The following DOK6 variants were observed in gnomAD, a reference collection of about 807,000 sequenced individuals.
The protein encoded by DOK6 is docking protein 6.
DOK6 carries 22 observed loss-of-function variants against 44.0 expected under a neutral mutation model. The ratio of observed to expected loss-of-function variants is 0.50; its 90% CI spans 0.36 to 0.71. The LOEUF is 0.71. DOK6 is among the 30% of genes least tolerant of loss of function. The pLI, the probability that DOK6 is intolerant of heterozygous loss-of-function variation, is 0.00. For synonymous variants in DOK6, 166 were observed against 145.5 expected, an observed-to-expected ratio of 1.14 and a Z score of -1.01; for missense variants, 340 against 416.4, an observed-to-expected ratio of 0.82 and a Z score of 1.60.
intron 5 of DOK6, among the ~76,000 whole-genome samples, chr18:69,707,292 A>C (rs1334806548): frequency 6.6e-6 from 1 of 152,248 alleles, no homozygotes; most frequent in African/African-American, 2.4e-5. Context: ...TGCCATCCCC[A>C]TCAAGCTACC....
chr18:69,776,628 C>T (rs1980075141), intron 7 of DOK6, among the ~76,000 whole-genome samples: 1 of 151,962 alleles, frequency 6.6e-6, no homozygotes, highest in Non-Finnish European at 1.5e-5. Flanking sequence ...ATAAAATCAA[C>T]TAATCTCAGA....
intron 2 of DOK6, among the ~76,000 whole-genome samples, chr18:69,574,434 A>G (rs1475969417): frequency 6.6e-6 from 1 of 152,088 alleles, no homozygotes; most frequent in Non-Finnish European, 1.5e-5. Flanking sequence ...TTAAAAGTAC[A>G]CAGGAACAGT....
intron 1 of DOK6, among the ~76,000 whole-genome samples, chr18:69,441,113 G>T (rs557221611): frequency 7.9e-5 from 12 of 151,992 alleles, no homozygotes; most frequent in African/African-American, 2.7e-4. Flanking sequence ...GTATGGTTTT[G>T]TATTCAGATT....
chr18:69,556,941 A>T (rs1003799481), intron 1 of DOK6, among the ~76,000 whole-genome samples: 2 of 152,364 alleles, frequency 1.3e-5, no homozygotes, highest in African/African-American at 4.8e-5. Context: ...AACACTTAAG[A>T]CCAAGTAACT....
At chr18:69,455,822 C>CTTGTCATT (rs1979619107) in intron 1 of DOK6, among the ~76,000 whole-genome samples, 1 of 152,012 alleles carries the variant, frequency 6.6e-6, no homozygotes, top group South Asian at 2.1e-4. Context: ...ATTCAAAAAG[C>CTTGTCATT]TAAATGATGG....
chr18:69,610,247 C>A (rs1340970449), intron 3 of DOK6, among the ~76,000 whole-genome samples: 2 of 152,088 alleles, frequency 1.3e-5, no homozygotes, highest in African/African-American at 2.4e-5. Context: ...AAAGTATATT[C>A]TCATAATGGC....
At chr18:69,481,090 C>T (rs1177631507) in intron 1 of DOK6, among the ~76,000 whole-genome samples, 1 of 152,110 alleles carries the variant, frequency 6.6e-6, no homozygotes, top group Non-Finnish European at 1.5e-5. Context: ...CCAGCACACA[C>T]CTTCTGCCGT....
intron 7 of DOK6, among the ~76,000 whole-genome samples, chr18:69,835,713 T>C (rs1487572283): frequency 6.6e-6 from 1 of 152,222 alleles, no homozygotes; most frequent in Non-Finnish European, 1.5e-5. Flanking sequence ...GTTAATGCTT[T>C]GACTCTGGGC....
At chr18:69,808,717 C>A (rs1981128437) in intron 7 of DOK6, among the ~76,000 whole-genome samples, 1 of 151,748 alleles carries the variant, frequency 6.6e-6, no homozygotes, top group Non-Finnish European at 1.5e-5. Context: ...TAAACATATA[C>A]AATCTATCCA....
At chr18:69,693,701 T>A (rs1246461913) in intron 4 of DOK6, among the ~76,000 whole-genome samples, 1 of 152,098 alleles carries the variant, frequency 6.6e-6, no homozygotes, top group African/African-American at 2.4e-5. Flanking sequence ...AACTGCGAGA[T>A]CCACTTACCT....
At chr18:69,520,617 T>G (rs915895731) in intron 1 of DOK6, among the ~76,000 whole-genome samples, 4 of 151,888 alleles carry the variant, frequency 2.6e-5, no homozygotes, top group Admixed American at 1.3e-4. Context: ...ATGCAAAAAA[T>G]TATTCAAATT....
intron 5 of DOK6, among the ~76,000 whole-genome samples, chr18:69,713,353 C>T (rs577854195): frequency 6.6e-6 from 1 of 152,144 alleles, no homozygotes; most frequent in African/African-American, 2.4e-5. Context: ...ATCATTATAC[C>T]AAAATAGCAT....
At chr18:69,637,354 T>C (rs1409820666) in intron 3 of DOK6, among the ~76,000 whole-genome samples, 1 of 152,252 alleles carries the variant, frequency 6.6e-6, no homozygotes, top group African/African-American at 2.4e-5. Context: ...CACATTTACA[T>C]ATTAAAAGGC....
intron 1 of DOK6, among the ~76,000 whole-genome samples, chr18:69,473,703 G>A (rs921692740): frequency 9.2e-5 from 14 of 152,292 alleles, no homozygotes; most frequent in Admixed American, 8.5e-4. Context: ...TTACAATGTT[G>A]CTGAGGGAAA....
chr18:69,619,350 A>G (rs1984386740), intron 3 of DOK6, among the ~76,000 whole-genome samples: 1 of 152,214 alleles, frequency 6.6e-6, no homozygotes, highest in Non-Finnish European at 1.5e-5. Flanking sequence ...GCCATTTCCA[A>G]GATAGGCTCT....
intron 7 of DOK6, among the ~76,000 whole-genome samples, chr18:69,780,051 C>T (rs1980214067): frequency 1.3e-5 from 2 of 151,850 alleles, no homozygotes; most frequent in South Asian, 4.2e-4. Flanking sequence ...AAATATGGTC[C>T]TACCTTCACA....
At chr18:69,457,297 C>T (rs770761113) in intron 1 of DOK6, among the ~76,000 whole-genome samples, 5 of 152,174 alleles carry the variant, frequency 3.3e-5, no homozygotes, top group Non-Finnish European at 7.4e-5. Flanking sequence ...ATATTTAAAT[C>T]TCTAACTTAT....
chr18:69,711,542 T>C (rs1023965068), intron 5 of DOK6, among the ~76,000 whole-genome samples: 1 of 152,220 alleles, frequency 6.6e-6, no homozygotes, highest in African/African-American at 2.4e-5. Flanking sequence ...TTACAATTAG[T>C]ATACATGAAA....
chr18:69,826,190 T>A lies in DOK6; in HGVS notation c.857-15054T>A, dbSNP rs1981735132. On this transcript the variant is annotated intron_variant, in intron 7 of 7. Transcript: ENST00000382713. Reference sequence around the variant, plus strand: ...GCTCACTAAGCTTTCAGTATTATCATGAGCCTAACACTCTGCTACTTGATA... The same window carrying A: ...GCTCACTAAGCTTTCAGTATTATCAAGAGCCTAACACTCTGCTACTTGATA... Among the ~76,000 whole-genome samples the A allele has an allele frequency of 2.0e-5, 3 of 152,312 alleles. No individual in the cohort carries two copies. The South Asian group carries it at 6.2e-4, about 32-fold the overall frequency.
Sources: allele counts gnomAD v4.1 joint callset (sites outside exome capture counted in the v4.1 genomes callset), GRCh38; gene constraint gnomAD v4.1.1; transcripts MANE v1.5; gene names NCBI Gene and HGNC (gene_info 2026-07-23, HGNC 2026-07-21).